The following MYO16 variants were observed in gnomAD, a reference collection of about 807,000 sequenced individuals.
MYO16 encodes myosin XVI.
In MYO16, 94 loss-of-function variants were observed where a neutral mutation model predicts 205.3. The ratio of observed to expected loss-of-function variants is 0.46; its 90% CI spans 0.39 to 0.54. The LOEUF is 0.54. Among genes scored for constraint, MYO16 ranks in the 20% least tolerant of loss-of-function variants. The pLI is 0.00. For synonymous variants in MYO16, 988 were observed against 954.0 expected, an observed-to-expected ratio of 1.04 and a Z score of -0.66; for missense variants, 2,315 against 2,387.5, an observed-to-expected ratio of 0.97 and a Z score of 0.63.
chr13:108,653,472 A>G (rs1378748587), intron 1 of MYO16, among the ~76,000 whole-genome samples: 1 of 152,134 alleles, frequency 6.6e-6, no homozygotes, highest in African/African-American at 2.4e-5. Flanking sequence ...GTCCAATGTC[A>G]TAAATGTCAT....
chr13:108,550,718 C>T, the MYO16 span, among the ~76,000 whole-genome samples: 1 of 152,178 alleles, frequency 6.6e-6, no homozygotes, highest in Non-Finnish European at 1.5e-5. Flanking sequence ...CCTACCAAAG[C>T]TATCCCTCTC....
At chr13:108,528,294 C>T in the MYO16 span, among the ~76,000 whole-genome samples, 1 of 152,042 alleles carries the variant, frequency 6.6e-6, no homozygotes, top group Non-Finnish European at 1.5e-5. Context: ...GGGCAGACCC[C>T]ATTAACAGTT....
intron 9 of MYO16, among the ~76,000 whole-genome samples, chr13:108,840,404 CTG>C (rs1877182949): frequency 6.6e-6 from 1 of 152,120 alleles, no homozygotes; most frequent in South Asian, 2.1e-4. Context: ...AGTGGTGAGA[CTG>C]TGGTGGTTAC....
At chr13:108,643,525 C>T (rs1438265492) in intron 1 of MYO16, among the ~76,000 whole-genome samples, 1 of 152,132 alleles carries the variant, frequency 6.6e-6, no homozygotes, top group Non-Finnish European at 1.5e-5. Context: ...TTCAAGAGTG[C>T]AATTGCTGGG....
intron 27 of MYO16, among the ~76,000 whole-genome samples, chr13:109,066,444 C>T (rs1263507022): frequency 1.3e-5 from 2 of 152,070 alleles, no homozygotes; most frequent in African/African-American, 2.4e-5. Context: ...TAAGGTTTAA[C>T]GAAGTTTGAG....
At chr13:108,615,900 C>G (rs1879334141) in intron 1 of MYO16, among the ~76,000 whole-genome samples, 1 of 152,160 alleles carries the variant, frequency 6.6e-6, no homozygotes, top group African/African-American at 2.4e-5. Flanking sequence ...TCTTTCCTGA[C>G]CTGTTTATAC....
At chr13:108,759,091 A>G in intron 4 of MYO16, among the ~76,000 whole-genome samples, 1 of 152,216 alleles carries the variant, frequency 6.6e-6, no homozygotes, top group East Asian at 1.9e-4. Flanking sequence ...GCCAAATGAA[A>G]GGACTTGCCA....
chr13:108,578,543 G>A, the MYO16 span, among the ~76,000 whole-genome samples: 3 of 152,126 alleles, frequency 2.0e-5, no homozygotes, highest in Non-Finnish European at 4.4e-5. Flanking sequence ...TTTGTTTGGT[G>A]GGTGCTGTGT....
At chr13:108,598,236 G>A (rs1878633207) in intron 1 of MYO16, among the ~76,000 whole-genome samples, 1 of 152,166 alleles carries the variant, frequency 6.6e-6, no homozygotes, top group South Asian at 2.1e-4. Flanking sequence ...TCTGATTCCG[G>A]CCTTCAAGTC....
chr13:109,109,546 C>A (rs1378708237), intron 28 of MYO16, among the ~76,000 whole-genome samples: 1 of 150,372 alleles, frequency 6.7e-6, no homozygotes, highest in Admixed American at 6.7e-5. Context: ...CAAGAGAGAG[C>A]CATGGTGGAT....
At chr13:109,157,797 C>T (rs1432022895) in intron 32 of MYO16, among the ~76,000 whole-genome samples, 2 of 152,138 alleles carry the variant, frequency 1.3e-5, no homozygotes, top group Admixed American at 6.5e-5. Flanking sequence ...GAGCAGGATG[C>T]GAGTCCCACA....
intron 2 of MYO16, among the ~76,000 whole-genome samples, chr13:108,693,310 G>A (rs555536534): frequency 7.2e-5 from 11 of 152,188 alleles, no homozygotes; most frequent in East Asian, 3.9e-4. Flanking sequence ...AATGTTGTGC[G>A]TCCATCACCA....
In MYO16 at chr13:108,689,416, A is replaced by T. The variant is rs547085440; in HGVS notation, c.293-23245A>T. On this transcript the variant is annotated intron_variant, in intron 2 of 34. Transcript: ENST00000457511. ...TTTAAATACATATACAGACATTTTTAATCATACTTGCTAATTAAACTAATA... is the reference window on the plus strand; with the variant it reads ...TTTAAATACATATACAGACATTTTTTATCATACTTGCTAATTAAACTAATA... Among the ~76,000 whole-genome samples, 96 of 152,278 alleles carry T rather than the reference A, an allele frequency of 6.3e-4. 1 individual carries two copies. The highest frequency in any genetic ancestry group is 2.2e-3 in the African/African-American group (92 of 41,582).
At chr13:108,999,851 T>C (rs1488240726) in intron 21 of MYO16, among the ~76,000 whole-genome samples, 1 of 152,202 alleles carries the variant, frequency 6.6e-6, no homozygotes, top group Non-Finnish European at 1.5e-5. Flanking sequence ...ATATATTTTC[T>C]AAACTTCACT....
chr13:108,684,332 G>A (rs1290814623), intron 2 of MYO16, among the ~76,000 whole-genome samples: 2 of 152,168 alleles, frequency 1.3e-5, no homozygotes, highest in African/African-American at 4.8e-5. Context: ...GGGTTAGTTT[G>A]GATCCACTGA....
chr13:108,596,764 A>T (rs1237054458), intron 1 of MYO16, among the ~76,000 whole-genome samples: 1 of 152,216 alleles, frequency 6.6e-6, no homozygotes, highest in Admixed American at 6.5e-5. Flanking sequence ...TTCACAAAAC[A>T]TAATGTACTT....
intron 11 of MYO16, among the ~76,000 whole-genome samples, chr13:108,863,139 A>G (rs137874104): frequency 9.2e-5 from 14 of 152,272 alleles, no homozygotes; most frequent in Admixed American, 5.9e-4. Flanking sequence ...CATCAATGCC[A>G]TATAGTCTGC....
At chr13:108,959,263 C>T (rs1594426722) in intron 17 of MYO16, among the ~76,000 whole-genome samples, 1 of 152,096 alleles carries the variant, frequency 6.6e-6, no homozygotes, top group Admixed American at 6.5e-5. Context: ...TACCCACTGG[C>T]ACTGTTCTGT....
At chr13:108,729,876 G>A (rs566732791) in intron 4 of MYO16, among the ~76,000 whole-genome samples, 80 of 152,296 alleles carry the variant, frequency 5.3e-4, no homozygotes, top group African/African-American at 1.7e-3. Flanking sequence ...AGTCTAGATC[G>A]TGGTATCTCA....
Sources: allele counts gnomAD v4.1 joint callset (sites outside exome capture counted in the v4.1 genomes callset), GRCh38; gene constraint gnomAD v4.1.1; transcripts MANE v1.5; gene names NCBI Gene and HGNC (gene_info 2026-07-23, HGNC 2026-07-21).